PRDM11: variants seen among roughly 807,000 people sequenced by gnomAD.
The protein encoded by PRDM11 is PR domain-containing protein 11.
Under a neutral mutation model 97.8 loss-of-function variants are expected in PRDM11, and 20 were observed. That is an observed-to-expected ratio of 0.20 (90% confidence interval 0.14 to 0.30). PRDM11 has a LOEUF of 0.30. Ranked by LOEUF, PRDM11 falls within the 10% of genes least tolerant of loss-of-function variation. The pLI is 1.00. For synonymous variants in PRDM11, 599 were observed against 637.7 expected (o/e 0.94, Z 0.91); for missense variants, 1,139 against 1,555.2 (o/e 0.73, Z 4.50).
At chr11:45,145,817 C>A (rs1851495027), upstream of PRDM11, among the ~76,000 whole-genome samples, 1 of 152,178 alleles carries the variant, frequency 6.6e-6, no homozygotes, top group Non-Finnish European at 1.5e-5. Context: ...GTTTTCCAGG[C>A]GCTCAGGAAA....
intron 3 of PRDM11, 152 bp from the exon 4 acceptor site, chr11:45,182,709 C>T: frequency 3.0e-6 from 3 of 987,884 alleles, no homozygotes; most frequent in Non-Finnish European, 4.5e-6. Context: ...CTTGGAGCCC[C>T]CAGGGAGAGT....
chr11:45,150,160 G>A (rs1041577417), intron 1 of PRDM11, among the ~76,000 whole-genome samples: 6 of 151,990 alleles, frequency 3.9e-5, no homozygotes, highest in African/African-American at 1.5e-4. Context: ...TGTTCCTTCT[G>A]CCCTGACCTT....
intron 6 of PRDM11, among the ~76,000 whole-genome samples, chr11:45,221,981 T>C (rs1349185793): frequency 3.9e-5 from 6 of 152,178 alleles, no homozygotes; most frequent in African/African-American, 1.4e-4. Flanking sequence ...GGTTTCTTTG[T>C]AATTGGAGGT....
chr11:45,226,629 C>A lies in PRDM11; in HGVS notation c.2004C>A (p.Asp668Glu), dbSNP rs1202107275. ...LSVILDGQSD[D>E]LLADTVAVYV... ...TCATCCTGGATGGGCAGAGCGACGACCTGCTGGCCGACACGGTGGCTGTCT... is the reference window on the plus strand; with the variant it reads ...TCATCCTGGATGGGCAGAGCGACGAACTGCTGGCCGACACGGTGGCTGTCT... Residue 668 changes from aspartate (D) to glutamate (E), a missense_variant, in exon 8 of 8, where the codon GAC becomes GAA. Around this residue, in one of 2 missense-constraint regions of PRDM11, gnomAD observed 710 missense variants for 1,044.9 expected, o/e 0.68. Transcript: ENST00000683152. The A allele has an allele frequency of 1.3e-6, 2 of 1,533,862 alleles. No homozygotes were observed. The highest frequency in any genetic ancestry group is 2.7e-5 in the African/African-American group (2 of 72,992).
chr11:45,180,247 G>A (rs1253011111), intron 1 of PRDM11, among the ~76,000 whole-genome samples: 1 of 152,236 alleles, frequency 6.6e-6, no homozygotes. Context: ...CGAGCACCCA[G>A]CGGGGAGTCC....
At chr11:45,215,065 T>C (rs541699822) in intron 5 of PRDM11, among the ~76,000 whole-genome samples, 14 of 152,344 alleles carry the variant, frequency 9.2e-5, no homozygotes, top group Non-Finnish European at 1.3e-4. Flanking sequence ...GGAAAAACAA[T>C]CACCGTTTCG....
At chr11:45,168,410 G>T (rs543358409) in intron 1 of PRDM11, among the ~76,000 whole-genome samples, 1 of 152,304 alleles carries the variant, frequency 6.6e-6, no homozygotes, top group East Asian at 1.9e-4. Context: ...CCAACTCCAG[G>T]AATTGGGAGG....
chr11:45,210,213 G>C (rs897803988), intron 5 of PRDM11, among the ~76,000 whole-genome samples: 2 of 152,170 alleles, frequency 1.3e-5, no homozygotes, highest in African/African-American at 4.8e-5. Context: ...CCACTTTTCT[G>C]TGTGCTGCCT....
chr11:45,186,780 C>G (rs1486661285), intron 4 of PRDM11, among the ~76,000 whole-genome samples: 1 of 152,162 alleles, frequency 6.6e-6, no homozygotes, highest in Non-Finnish European at 1.5e-5. Flanking sequence ...TACTCTTCCT[C>G]GAAACAGTCC....
intron 1 of PRDM11, among the ~76,000 whole-genome samples, chr11:45,098,561 C>A (rs756330107): frequency 2.0e-5 from 3 of 152,176 alleles, no homozygotes; most frequent in African/African-American, 4.8e-5. Flanking sequence ...CAGGCTCGCA[C>A]AGCTATGAGG....
intron 1 of PRDM11, among the ~76,000 whole-genome samples, chr11:45,107,848 G>A (rs1258650935): frequency 7.3e-6 from 1 of 136,908 alleles, no homozygotes; most frequent in Non-Finnish European, 1.6e-5. Flanking sequence ...TTTTTTTTGT[G>A]AGACAGAGTC....
intron 1 of PRDM11, among the ~76,000 whole-genome samples, chr11:45,134,423 G>A (rs73464566): frequency 0.039 from 5,957 of 152,206 alleles, 404 homozygotes; most frequent in African/African-American, 0.14. Flanking sequence ...ATAGCAGACA[G>A]GTGTGGAGGC....
At chr11:45,119,638 A>ACAC (rs1852384701) in intron 1 of PRDM11, among the ~76,000 whole-genome samples, 1 of 147,404 alleles carries the variant, frequency 6.8e-6, no homozygotes, top group Non-Finnish European at 1.5e-5. Context: ...AAAAAAAAAA[A>ACAC]AAAAAAAAAA....
At chr11:45,214,798 A>G (rs1853908565) in intron 5 of PRDM11, 1 of 152,200 alleles carries the variant, frequency 6.6e-6, no homozygotes, top group Non-Finnish European at 1.5e-5. Flanking sequence ...GTTTCCTGTG[A>G]AAACCTCGAG....
intron 1 of PRDM11, among the ~76,000 whole-genome samples, chr11:45,109,668 G>A (rs974873739): frequency 3.3e-5 from 5 of 152,198 alleles, no homozygotes; most frequent in South Asian, 2.1e-4. Flanking sequence ...GTGGGAGGAA[G>A]TGCTTTCTGA....
chr11:45,094,164 G>A (rs563908993), upstream of PRDM11, among the ~76,000 whole-genome samples: 3 of 152,360 alleles, frequency 2.0e-5, no homozygotes, highest in African/African-American at 7.2e-5. Flanking sequence ...TGCCATGCAA[G>A]TAGCTAGCAT....
chr11:45,109,620 C>G (rs1253591379), intron 1 of PRDM11, among the ~76,000 whole-genome samples: 1 of 152,118 alleles, frequency 6.6e-6, no homozygotes, highest in East Asian at 1.9e-4. Context: ...ACAACCAAGA[C>G]TGAGGTGTGG....
At chr11:45,201,100 G>A (rs955778165) in intron 4 of PRDM11, among the ~76,000 whole-genome samples, 8 of 152,142 alleles carry the variant, frequency 5.3e-5, no homozygotes, top group African/African-American at 1.9e-4. Flanking sequence ...GTGCAATTGG[G>A]AAGAAATATG....
rs370450627 is a variant in PRDM11 at position 45,194,710 on chromosome 11, T to C, written c.487-10001T>C. ...GCCTCCCGGGTTCACGCCATTCTCC[T>C]GCCTCAGCCTCCCAAGTAGCTGGGA... On this transcript the variant is annotated intron_variant, in intron 4 of 7. Transcript: ENST00000683152. 4.1e-5 allele frequency among the ~76,000 whole-genome samples: 6 copies of C among 145,166 alleles called. No individual in the cohort carries two copies. In the South Asian group the frequency reaches 7.0e-4, roughly 17 times the overall value.
Sources: gnomAD v4.1 joint callset for allele counts (sites outside exome capture counted in the v4.1 genomes callset) on GRCh38, gnomAD v4.1.1 for gene constraint, gnomAD v4.1.1 regional missense constraint, MANE v1.5 for transcripts, NCBI Gene and HGNC (gene_info 2026-07-23, HGNC 2026-07-21) for gene names.